PAH: variants seen among roughly 807,000 people sequenced by gnomAD.
PAH encodes the protein phenylalanine-4-hydroxylase.
PAH carries 64 observed loss-of-function variants against 62.0 expected under a neutral mutation model. The observed-to-expected ratio is 1.03, with a 90% CI of 0.84 to 1.27. PAH has a LOEUF of 1.27. Ranked by LOEUF, PAH falls within the 50% of genes most tolerant of loss-of-function variation. The pLI is 0.00. For missense variants in PAH, 579 were observed against 542.8 expected (o/e 1.07, Z -0.66); for synonymous variants, 195 against 196.2 (o/e 0.99, Z 0.05).
At chr12:102,889,456 A>T (rs187045382) in intron 3 of PAH, among the ~76,000 whole-genome samples, 1 of 149,052 alleles carries the variant, frequency 6.7e-6, no homozygotes, top group Admixed American at 6.7e-5. Context: ...GATAGATGAT[A>T]GATGATTGAT....
chr12:102,947,173 GTT>G (rs1478937250), intron 1 of PAH, among the ~76,000 whole-genome samples: 3 of 152,038 alleles, frequency 2.0e-5, no homozygotes, highest in African/African-American at 7.2e-5. Flanking sequence ...AAATGTGTGT[GTT>G]TGTGTGTGTA....
At chr12:102,909,770 G>A (rs551646708) in intron 2 of PAH, among the ~76,000 whole-genome samples, 39 of 152,238 alleles carry the variant, frequency 2.6e-4, no homozygotes, top group African/African-American at 7.9e-4. Flanking sequence ...ATCAGCTTGG[G>A]CAACATGGTG....
At chr12:102,873,445 C>A (rs182219208) in intron 4 of PAH, among the ~76,000 whole-genome samples, 2 of 152,294 alleles carry the variant, frequency 1.3e-5, no homozygotes, top group South Asian at 2.1e-4. Context: ...CTTTGTGGAG[C>A]AGTTTCCTTA....
chr12:102,864,728 G>T (rs1459965136), intron 5 of PAH, among the ~76,000 whole-genome samples: 1 of 149,160 alleles, frequency 6.7e-6, no homozygotes, highest in Non-Finnish European at 1.5e-5. Context: ...GAATGACTGT[G>T]AAAGTGTACA....
intron 2 of PAH, among the ~76,000 whole-genome samples, chr12:102,900,944 T>C (rs1003339216): frequency 6.6e-6 from 1 of 152,140 alleles, no homozygotes; most frequent in African/African-American, 2.4e-5. Context: ...TCACGATTTG[T>C]CTAATATTTA....
At chr12:102,864,337 CA>C (rs1369173583) in intron 5 of PAH, among the ~76,000 whole-genome samples, 1 of 152,088 alleles carries the variant, frequency 6.6e-6, no homozygotes. Context: ...TGCTTTTCTG[CA>C]GGTTAATCTG....
intron 5 of PAH, among the ~76,000 whole-genome samples, chr12:102,858,302 A>G (rs988189202): frequency 1.3e-5 from 2 of 152,226 alleles, no homozygotes; most frequent in Admixed American, 6.5e-5. Flanking sequence ...TGCACCCAAT[A>G]CAGGAGCACC....
At chr12:102,937,643 G>A (rs1488611661) in intron 1 of PAH, among the ~76,000 whole-genome samples, 1 of 151,876 alleles carries the variant, frequency 6.6e-6, no homozygotes, top group Non-Finnish European at 1.5e-5. Flanking sequence ...AGTTGTTGTT[G>A]TAGTTATTAT....
chr12:102,937,493 T>A (rs1004028094), intron 1 of PAH, among the ~76,000 whole-genome samples: 1 of 152,190 alleles, frequency 6.6e-6, no homozygotes, highest in African/African-American at 2.4e-5. Flanking sequence ...TTTAATCCGA[T>A]GACAACTTAA....
At chr12:102,867,880 C>T (rs1220970816) in intron 4 of PAH, among the ~76,000 whole-genome samples, 1 of 108,888 alleles carries the variant, frequency 9.2e-6, no homozygotes, top group Non-Finnish European at 2.1e-5. Flanking sequence ...TGTATATATA[C>T]ATGTATATAC....
chr12:102,952,386 AC>A (rs1879792168), upstream of PAH, among the ~76,000 whole-genome samples: 1 of 151,926 alleles, frequency 6.6e-6, no homozygotes, highest in Admixed American at 6.6e-5. Flanking sequence ...ACCATGAAAG[AC>A]CTTTACTTTA....
At chr12:102,952,599 G>A (rs1476303074), upstream of PAH, among the ~76,000 whole-genome samples, 1 of 151,848 alleles carries the variant, frequency 6.6e-6, no homozygotes, top group Non-Finnish European at 1.5e-5. Flanking sequence ...TGTAAATGGG[G>A]CTTTAGAAAA....
upstream of PAH, chr12:102,958,384 C>CA (rs779705418): frequency 1.3e-5 from 20 of 1,493,840 alleles, no homozygotes; most frequent in East Asian, 4.6e-4. Context: ...GCAGCGGCAG[C>CA]GCAGAGCGCG....
Position 102,894,965 on chromosome 12 carries a change from C to T in PAH, c.169-47G>A, listed in dbSNP as rs1174761499. The T allele has an allele frequency of 4.9e-6, 7 of 1,421,448 alleles. 1 individual carries two copies. The highest frequency in any genetic ancestry group is 3.4e-5 in the South Asian group (3 of 87,312). 88.1% of individuals were successfully genotyped at this position (1,421,448 alleles called of 1,614,324 possible). On this transcript the variant is annotated intron_variant, in intron 2 of 12. Coordinates refer to ENST00000553106, the MANE Select transcript of PAH (RefSeq NM_000277.3). ...GTGAGGAGACAGTCACTGGAACTAACGCAGGCCAAAGATGCAGAACCAGAA... is the reference window on the plus strand; with the variant it reads ...GTGAGGAGACAGTCACTGGAACTAATGCAGGCCAAAGATGCAGAACCAGAA...
At chr12:102,899,411 T>C (rs2136708279) in intron 2 of PAH, among the ~76,000 whole-genome samples, 1 of 152,308 alleles carries the variant, frequency 6.6e-6, no homozygotes, top group Admixed American at 6.5e-5. Flanking sequence ...AATTTATGTT[T>C]TATGACTCAG....
chr12:102,882,998 G>A (rs529791412), intron 3 of PAH, among the ~76,000 whole-genome samples: 9 of 152,208 alleles, frequency 5.9e-5, no homozygotes, highest in Admixed American at 2.6e-4. Flanking sequence ...GAGGAGGGAG[G>A]AGGAAAGAAC....
At chr12:102,952,400 T>G (rs1004491083), upstream of PAH, among the ~76,000 whole-genome samples, 2 of 152,266 alleles carry the variant, frequency 1.3e-5, no homozygotes, top group Middle Eastern at 3.4e-3. Context: ...TTACTTTATT[T>G]TCATTCTTGG....
At chr12:102,856,806 G>A (rs1875457224) in intron 5 of PAH, among the ~76,000 whole-genome samples, 1 of 152,166 alleles carries the variant, frequency 6.6e-6, no homozygotes, top group African/African-American at 2.4e-5. Context: ...CAAACAAAAA[G>A]GACATCCACA....
intron 1 of PAH, chr12:102,923,509 G>A (rs139365733): frequency 3.3e-4 from 50 of 152,286 alleles, no homozygotes; most frequent in African/African-American, 1.1e-3. Flanking sequence ...ATTTATTGCT[G>A]TGGGACCAGA....
Sources: gnomAD v4.1 joint callset for allele counts (sites outside exome capture counted in the v4.1 genomes callset) on GRCh38, gnomAD v4.1.1 for gene constraint, MANE v1.5 for transcripts, NCBI Gene and HGNC (gene_info 2026-07-23, HGNC 2026-07-21) for gene names.